DNAJC24: variants seen among roughly 807,000 people sequenced by gnomAD.
DNAJC24 encodes the protein dnaJ homolog subfamily C member 24.
In DNAJC24, 17 loss-of-function variants were observed where a neutral mutation model predicts 18.0. That is an observed-to-expected ratio of 0.94 (90% CI 0.65 to 1.42). The LOEUF (loss-of-function observed/expected upper bound fraction) is 1.42. DNAJC24 is among the 40% of genes most tolerant of loss of function. The pLI, the probability that DNAJC24 is intolerant of heterozygous loss-of-function variation, is 0.00. For missense variants in DNAJC24, 158 were observed against 175.6 expected (o/e 0.90, Z 0.57); for synonymous variants, 55 against 57.7 (o/e 0.95, Z 0.21).
chr11:31,407,314 T>C (rs1196219437), intron 2 of DNAJC24: 1 of 152,186 alleles, frequency 6.6e-6, no homozygotes, highest in South Asian at 2.1e-4. Context: ...AAGTGTGTAG[T>C]TAAGGATTAA....
chr11:31,394,461 C>T (rs938795385), intron 2 of DNAJC24, among the ~76,000 whole-genome samples: 7 of 151,780 alleles, frequency 4.6e-5, no homozygotes, highest in Non-Finnish European at 7.4e-5. Context: ...CCGTGATTAA[C>T]GAGGTTCAAC....
At chr11:31,401,254 G>A (rs980248233) in intron 2 of DNAJC24, among the ~76,000 whole-genome samples, 1 of 152,112 alleles carries the variant, frequency 6.6e-6, no homozygotes, top group Non-Finnish European at 1.5e-5. Flanking sequence ...TGGAGAAATA[G>A]GAATGCTTTT....
In DNAJC24 at chr11:31,430,568, A is replaced by G. The variant is rs1324429079; in HGVS notation, c.*167A>G. The G allele has an allele frequency of 2.3e-5, 8 of 349,278 alleles. No homozygotes were observed. Among genetic ancestry groups the G allele is most frequent in the Non-Finnish European group, 3.9e-5 (8 of 204,116 alleles). The allele number at this position is 349,278 out of a possible 1,614,324, so 21.6% of individuals were successfully genotyped here. On this transcript the variant is annotated 3_prime_UTR_variant, in exon 5 of 5. Coordinates refer to ENST00000465995, the MANE Select transcript of DNAJC24 (RefSeq NM_181706.5). ...CTCAGATTAATAGAGAATGAATATAATTATTTATTTGTATTTATAATTTAT... is the reference window on the plus strand; with the variant it reads ...CTCAGATTAATAGAGAATGAATATAGTTATTTATTTGTATTTATAATTTAT...
chr11:31,379,797 G>A (rs535966331), intron 2 of DNAJC24, among the ~76,000 whole-genome samples: 43 of 151,498 alleles, frequency 2.8e-4, no homozygotes, highest in African/African-American at 8.5e-4. Flanking sequence ...TCACCCTGTC[G>A]TCCAGGCTGG....
intron 3 of DNAJC24, among the ~76,000 whole-genome samples, chr11:31,422,796 GA>G (rs552276925): frequency 4.0e-5 from 6 of 150,166 alleles, no homozygotes; most frequent in East Asian, 1.9e-4. Flanking sequence ...TGTTTAAAAA[GA>G]AAAAAAAACA....
At chr11:31,384,755 T>A (rs1052063975) in intron 2 of DNAJC24, 5 of 152,196 alleles carry the variant, frequency 3.3e-5, no homozygotes, top group Non-Finnish European at 7.3e-5. Flanking sequence ...TTTTTAATAA[T>A]TCAGCCAAGA....
intron 1 of DNAJC24, 67 bp from the exon 2 acceptor site, chr11:31,370,649 G>A: frequency 1.6e-6 from 1 of 637,826 alleles, no homozygotes; most frequent in Non-Finnish European, 2.6e-6. Context: ...ATTTACAAGG[G>A]CAGTACTTAA....
At chr11:31,416,583 A>G (rs1952753165) in intron 3 of DNAJC24, 1 of 152,138 alleles carries the variant, frequency 6.6e-6, no homozygotes, top group African/African-American at 2.4e-5. Context: ...AGTATAGGGT[A>G]TATACTTTCA....
intron 2 of DNAJC24, among the ~76,000 whole-genome samples, chr11:31,410,587 T>C (rs918860260): frequency 6.6e-6 from 1 of 152,242 alleles, no homozygotes; most frequent in Non-Finnish European, 1.5e-5. Context: ...TTTTATTTTC[T>C]GTCAAAGCAC....
intron 3 of DNAJC24, among the ~76,000 whole-genome samples, chr11:31,423,479 T>C (rs917298336): frequency 2.0e-5 from 3 of 152,168 alleles, no homozygotes; most frequent in Non-Finnish European, 2.9e-5. Flanking sequence ...CAGGCTGGTC[T>C]CGAACTCCTG....
intron 3 of DNAJC24, among the ~76,000 whole-genome samples, chr11:31,419,381 A>G (rs989737563): frequency 1.4e-4 from 21 of 152,072 alleles, no homozygotes; most frequent in African/African-American, 5.1e-4. Context: ...GACAGTATAG[A>G]TAAAACTTTC....
intron 2 of DNAJC24, among the ~76,000 whole-genome samples, chr11:31,385,768 C>T (rs559665816): frequency 2.6e-5 from 4 of 151,936 alleles, no homozygotes; most frequent in African/African-American, 9.7e-5. Context: ...GCAAGATGGC[C>T]GAATAGAAGC....
chr11:31,389,542 G>A (rs1373959732), intron 2 of DNAJC24, among the ~76,000 whole-genome samples: 1 of 152,126 alleles, frequency 6.6e-6, no homozygotes, highest in Non-Finnish European at 1.5e-5. Context: ...GAGAGAGGTA[G>A]AACCCAATAC....
At chr11:31,381,805 G>T (rs1436729472) in intron 2 of DNAJC24, among the ~76,000 whole-genome samples, 1 of 152,014 alleles carries the variant, frequency 6.6e-6, no homozygotes, top group Non-Finnish European at 1.5e-5. Flanking sequence ...TCGAACTCCT[G>T]ACCTCAGATG....
intron 2 of DNAJC24, among the ~76,000 whole-genome samples, chr11:31,389,560 G>A (rs1429521594): frequency 6.6e-6 from 1 of 152,182 alleles, no homozygotes; most frequent in East Asian, 1.9e-4. Context: ...TACAGTAATA[G>A]CTGGAGACTT....
intron 2 of DNAJC24, among the ~76,000 whole-genome samples, chr11:31,398,000 A>G (rs1455959943): frequency 6.6e-6 from 1 of 152,010 alleles, no homozygotes; most frequent in Non-Finnish European, 1.5e-5. Context: ...ATGGGATTTC[A>G]TCATGTTGGC....
chr11:31,404,778 C>A (rs1006497781), intron 2 of DNAJC24, among the ~76,000 whole-genome samples: 2 of 152,054 alleles, frequency 1.3e-5, no homozygotes, highest in African/African-American at 4.8e-5. Context: ...TGAAATTCCT[C>A]AGTGGTAATC....
At chr11:31,389,432 G>A (rs999101629) in intron 2 of DNAJC24, among the ~76,000 whole-genome samples, 12 of 152,132 alleles carry the variant, frequency 7.9e-5, no homozygotes, top group African/African-American at 2.9e-4. Flanking sequence ...AGTGATAAAG[G>A]AGTTAATGCA....
chr11:31,372,223 T>C (rs1244978363), intron 2 of DNAJC24, among the ~76,000 whole-genome samples: 1 of 137,560 alleles, frequency 7.3e-6, no homozygotes, highest in Non-Finnish European at 1.7e-5. Context: ...TAAGCCAATG[T>C]CTGTAATTCT....
Sources: allele counts gnomAD v4.1 joint callset (sites outside exome capture counted in the v4.1 genomes callset), GRCh38; gene constraint gnomAD v4.1.1; transcripts MANE v1.5; gene names NCBI Gene and HGNC (gene_info 2026-07-23, HGNC 2026-07-21).